The following TMEM132B variants were observed in gnomAD, a reference collection of about 807,000 sequenced individuals.
The protein encoded by TMEM132B is transmembrane protein 132B.
A neutral mutation model predicts 90.8 loss-of-function variants in TMEM132B; 18 were observed. The observed-to-expected ratio is 0.20, with a 90% confidence interval of 0.14 to 0.29. The LOEUF (loss-of-function observed/expected upper bound fraction) is 0.29. Among genes scored for constraint, TMEM132B ranks in the 10% least tolerant of loss-of-function variants. TMEM132B has a pLI of 1.00. For synonymous variants in TMEM132B, 504 were observed against 523.3 expected, an observed-to-expected ratio of 0.96 and a Z score of 0.50; for missense variants, 1,096 against 1,326.8, an observed-to-expected ratio of 0.83 and a Z score of 2.70.
chr12:125,434,021 C>T (rs566820597), intron 3 of TMEM132B, among the ~76,000 whole-genome samples: 2 of 152,254 alleles, frequency 1.3e-5, no homozygotes, highest in Non-Finnish European at 2.9e-5. Context: ...TATGTTTATT[C>T]TTTCTTAGTT....
At chr12:125,219,121 A>G (rs1873503874) in intron 1 of TMEM132B, among the ~76,000 whole-genome samples, 1 of 152,176 alleles carries the variant, frequency 6.6e-6, no homozygotes, top group Admixed American at 6.5e-5. Context: ...CTCAAGATAT[A>G]TTGCTGGAGT....
At position 125,581,481 on chromosome 12, in the gene TMEM132B, T is replaced by C. The variant is rs866097892; in HGVS notation, c.1294-2370T>C. 5.3e-5 allele frequency among the ~76,000 whole-genome samples: 8 copies of C among 152,324 alleles called. No homozygotes were observed. The South Asian group carries it at 1.0e-3, about 20-fold the overall frequency. ...TTTGGGCTTCACTTGAATCTGTCTT[T>C]GTGGGCCAAGGGCTGGAATACCTGG... On this transcript the variant is annotated intron_variant, in intron 4 of 8. Transcript: ENST00000682704.
At chr12:125,321,944 C>T (rs1289905896) in intron 1 of TMEM132B, among the ~76,000 whole-genome samples, 1 of 152,128 alleles carries the variant, frequency 6.6e-6, no homozygotes. Flanking sequence ...TGCATGAACA[C>T]CCTTTAGGAC....
At chr12:125,227,828 A>C (rs1225865044) in intron 1 of TMEM132B, among the ~76,000 whole-genome samples, 2 of 151,876 alleles carry the variant, frequency 1.3e-5, no homozygotes, top group African/African-American at 4.8e-5. Flanking sequence ...GGAATGAATG[A>C]CCTCCAGGAG....
At chr12:125,572,282 A>G (rs940075151) in intron 4 of TMEM132B, among the ~76,000 whole-genome samples, 1 of 152,234 alleles carries the variant, frequency 6.6e-6, no homozygotes, top group African/African-American at 2.4e-5. Context: ...ATGCAACAGC[A>G]CTGGGAGCTG....
intron 1 of TMEM132B, among the ~76,000 whole-genome samples, chr12:125,201,041 A>G (rs1873045764): frequency 1.3e-5 from 2 of 152,036 alleles, no homozygotes; most frequent in Non-Finnish European, 2.9e-5. Context: ...TCTAAAAAGC[A>G]CTATGAATTT....
At chr12:125,515,615 T>G (rs1198804579) in intron 3 of TMEM132B, among the ~76,000 whole-genome samples, 1 of 148,304 alleles carries the variant, frequency 6.7e-6, no homozygotes, top group East Asian at 2.1e-4. Flanking sequence ...ACAACACATA[T>G]TCACACATTT....
chr12:125,515,401 ATACATT>A (rs1883104226), intron 3 of TMEM132B, among the ~76,000 whole-genome samples: 1 of 24,814 alleles, frequency 4.0e-5, no homozygotes, highest in African/African-American at 4.1e-4. Flanking sequence ...TCTCTCACAA[ATACATT>A]CAAACATTTG....
intron 4 of TMEM132B, among the ~76,000 whole-genome samples, chr12:125,528,143 T>C (rs1347546697): frequency 1.3e-5 from 2 of 152,236 alleles, no homozygotes; most frequent in East Asian, 3.9e-4. Context: ...TATTTCTTTT[T>C]TTTTTTCCTC....
chr12:125,332,257 A>G (rs574837969), intron 1 of TMEM132B, among the ~76,000 whole-genome samples: 98 of 152,346 alleles, frequency 6.4e-4, no homozygotes, highest in African/African-American at 2.2e-3. Context: ...TAGATATCTG[A>G]CAAATTCCTA....
At chr12:125,283,424 G>A (rs1875255373) in intron 1 of TMEM132B, among the ~76,000 whole-genome samples, 1 of 152,080 alleles carries the variant, frequency 6.6e-6, no homozygotes, top group African/African-American at 2.4e-5. Context: ...ACCAGGGTCC[G>A]TCTTCTGTTC....
intron 1 of TMEM132B, among the ~76,000 whole-genome samples, chr12:125,345,513 C>T (rs908238288): frequency 6.6e-6 from 1 of 152,168 alleles, no homozygotes; most frequent in Non-Finnish European, 1.5e-5. Flanking sequence ...GCCTGGATTC[C>T]CGGCACCCTG....
Position 125,429,358 on chromosome 12 carries a change from C to T in TMEM132B, c.1106+13681C>T, listed in dbSNP as rs550011368. ...GGGACTACAGGCATGCACCACCATG[C>T]CTAGATAATTTTTTTTTTTGTATTT... On this transcript the variant is annotated intron_variant, in intron 3 of 8. Coordinates refer to ENST00000682704, the MANE Select transcript of TMEM132B (RefSeq NM_001366854.1). Among the ~76,000 whole-genome samples, 18 of 101,518 alleles carry T rather than the reference C, an allele frequency of 1.8e-4. 1 individual carries two copies. The South Asian group carries it at 7.1e-3, about 40-fold the overall frequency. 66.6% of individuals were successfully genotyped at this position (101,518 alleles called of 152,430 possible). A position where few individuals can be genotyped will look rare whatever the true frequency, so the allele number is the denominator to read the frequency against.
At chr12:125,294,574 G>C (rs1273454472) in intron 1 of TMEM132B, among the ~76,000 whole-genome samples, 1 of 152,204 alleles carries the variant, frequency 6.6e-6, no homozygotes, top group Non-Finnish European at 1.5e-5. Context: ...TAAGTGCCAG[G>C]CACTGCAGTA....
intron 2 of TMEM132B, among the ~76,000 whole-genome samples, chr12:125,368,122 C>T (rs915590724): frequency 6.6e-6 from 1 of 152,080 alleles, no homozygotes; most frequent in Non-Finnish European, 1.5e-5. Flanking sequence ...ACAGTATAGT[C>T]CATTCTCCAC....
At chr12:125,435,732 G>A (rs1880680501) in intron 3 of TMEM132B, among the ~76,000 whole-genome samples, 1 of 152,200 alleles carries the variant, frequency 6.6e-6, no homozygotes, top group African/African-American at 2.4e-5. Flanking sequence ...CCGGTGTAGG[G>A]AAATCCCTGA....
At chr12:125,311,450 C>A (rs545505686) in intron 1 of TMEM132B, among the ~76,000 whole-genome samples, 1 of 152,160 alleles carries the variant, frequency 6.6e-6, no homozygotes, top group African/African-American at 2.4e-5. Context: ...AAAACTCTGG[C>A]GTCATCCCAG....
At chr12:125,581,527 G>A (rs1388602190) in intron 4 of TMEM132B, among the ~76,000 whole-genome samples, 1 of 152,154 alleles carries the variant, frequency 6.6e-6, no homozygotes, top group African/African-American at 2.4e-5. Flanking sequence ...TTTTGGTCAT[G>A]TGCTTTTCTG....
intron 1 of TMEM132B, among the ~76,000 whole-genome samples, chr12:125,267,980 C>CACTACCTGTAATCCCTGT (rs1593062031): frequency 6.6e-6 from 1 of 152,092 alleles, no homozygotes; most frequent in East Asian, 1.9e-4. Context: ...GTAGTGCCTG[C>CACTACCTGTAATCCCTGT]ACTACCTGTA....
Sources: gnomAD v4.1 joint callset for allele counts (sites outside exome capture counted in the v4.1 genomes callset) on GRCh38, gnomAD v4.1.1 for gene constraint, MANE v1.5 for transcripts, NCBI Gene and HGNC (gene_info 2026-07-23, HGNC 2026-07-21) for gene names.